The following ASXL3 variants were observed in gnomAD, a reference collection of about 807,000 sequenced individuals.
The protein encoded by ASXL3 is putative Polycomb group protein ASXL3.
ASXL3 carries 34 observed loss-of-function variants against 170.6 expected under a neutral mutation model. That is an observed-to-expected ratio of 0.20 (90% CI 0.15 to 0.27). The LOEUF (loss-of-function observed/expected upper bound fraction) is 0.27, where lower values mean the gene tolerates loss of function less well. Ranked by LOEUF, ASXL3 falls within the 10% of genes least tolerant of loss-of-function variation. The probability of loss-of-function intolerance (pLI) is 1.00; values close to 1 mark genes in which losing one functional copy is unlikely to be tolerated. For missense variants in ASXL3, 2,592 were observed against 2,695.3 expected (o/e 0.96, Z 0.85); for synonymous variants, 1,002 against 989.1 (o/e 1.01, Z -0.24).
In ASXL3 at chr18:33,621,872, T is replaced by G. The variant is rs148812128; in HGVS notation, c.137+14196T>G. Among the ~76,000 whole-genome samples the G allele has an allele frequency of 3.5e-4, 53 of 152,320 alleles. 1 individual carries two copies. In the East Asian group the frequency reaches 9.1e-3, roughly 26 times the overall value. On this transcript the variant is annotated intron_variant, in intron 2 of 11. Coordinates refer to ENST00000269197, the MANE Select transcript of ASXL3 (RefSeq NM_030632.3). ...CTATTCTCTTTTCAGATTTTCCCCATGGACTTAACAACCCACTCTGTTTCT... is the reference window on the plus strand; with the variant it reads ...CTATTCTCTTTTCAGATTTTCCCCAGGGACTTAACAACCCACTCTGTTTCT...
intron 7 of ASXL3, among the ~76,000 whole-genome samples, chr18:33,677,370 G>A (rs2155880): frequency 6.6e-6 from 1 of 151,958 alleles, no homozygotes; most frequent in Non-Finnish European, 1.5e-5. Context: ...AGAGATATTA[G>A]AAAACCTGTA....
chr18:33,722,048 C>T (rs2067271031), intron 8 of ASXL3, among the ~76,000 whole-genome samples: 1 of 151,664 alleles, frequency 6.6e-6, no homozygotes, highest in Non-Finnish European at 1.5e-5. Context: ...CAAACCATGC[C>T]CTCATAAGAC....
chr18:33,602,556 A>G (rs1230427441), intron 1 of ASXL3, among the ~76,000 whole-genome samples: 1 of 152,146 alleles, frequency 6.6e-6, no homozygotes, highest in East Asian at 1.9e-4. Context: ...AGAAATAGGG[A>G]ATGTTAAACA....
intron 8 of ASXL3, among the ~76,000 whole-genome samples, chr18:33,699,993 A>G (rs1282141554): frequency 1.3e-5 from 2 of 152,076 alleles, no homozygotes; most frequent in African/African-American, 4.8e-5. Context: ...TTATTTGTTC[A>G]GGAGAAATCC....
rs2067859264 is a variant in ASXL3, at chr18:33,750,001, C to G, written c.*3406C>G. ...GGAAGTTACCGTGGCCTCTGGTTTC[C>G]CAGTTCCTCCGTGGTGTAATGAAGT... On this transcript the variant is annotated 3_prime_UTR_variant, in exon 12 of 12. Coordinates refer to ENST00000269197, the MANE Select transcript of ASXL3 (RefSeq NM_030632.3). The G allele has an allele frequency of 6.6e-6, 1 of 152,338 alleles. No individual in the cohort carries two copies. The highest frequency in any genetic ancestry group is 1.5e-5 in the Non-Finnish European group (1 of 68,152). 9.4% of individuals were successfully genotyped at this position (152,338 alleles called of 1,614,324 possible). A position where few individuals can be genotyped will look rare whatever the true frequency, so the allele number is the denominator to read the frequency against.
intron 2 of ASXL3, among the ~76,000 whole-genome samples, chr18:33,644,553 T>C (rs1263360439): frequency 1.3e-5 from 2 of 151,474 alleles, no homozygotes; most frequent in East Asian, 1.9e-4. Flanking sequence ...TTCATGGTGT[T>C]ATTTGTAAAA....
At chr18:33,718,861 T>C (rs2067211225) in intron 8 of ASXL3, among the ~76,000 whole-genome samples, 1 of 152,000 alleles carries the variant, frequency 6.6e-6, no homozygotes, top group Admixed American at 6.6e-5. Flanking sequence ...CCATAATCAA[T>C]GAAAGAGAAT....
In ASXL3 at chr18:33,578,458, CCCGCCG is replaced by C. The variant is rs552419485; in HGVS notation, c.-138_-133del. On this transcript the variant is annotated 5_prime_UTR_variant, in exon 1 of 12. Transcript: ENST00000269197. ...CCACCCCCTCGCTCCATCCCTCCCA[CCCGCCG>C]CCGCCGCCGCCGCCGCCGCCGCCGC... is the stretch of plus-strand genomic sequence containing the variant. 1,866 of 92,748 alleles carry C rather than the reference CCCGCCG, an allele frequency of 0.02. 17 individuals are homozygous for C. The highest frequency in any genetic ancestry group is 0.047 in the Middle Eastern group (9 of 190). 5.7% of individuals were successfully genotyped at this position (92,748 alleles called of 1,614,324 possible). A position where few individuals can be genotyped will look rare whatever the true frequency, so the allele number is the denominator to read the frequency against.
At chr18:33,585,781 A>G (rs938802683) in intron 1 of ASXL3, among the ~76,000 whole-genome samples, 2 of 152,236 alleles carry the variant, frequency 1.3e-5, no homozygotes, top group African/African-American at 4.8e-5. Flanking sequence ...ATTTAGACTC[A>G]GTGGACAGGC....
intron 8 of ASXL3, among the ~76,000 whole-genome samples, chr18:33,716,256 C>T (rs574607076): frequency 6.6e-6 from 1 of 152,246 alleles, no homozygotes; most frequent in South Asian, 2.1e-4. Context: ...AAAGCAGACC[C>T]GTGGAACATA....
Position 33,749,065 on chromosome 18 carries a change from T to C in ASXL3, c.*2470T>C, listed in dbSNP as rs1243094934. 7.2e-6 allele frequency: 1 copy of C among 139,858 alleles called. No individual in the cohort carries two copies. Among genetic ancestry groups the C allele is most frequent in the Non-Finnish European group, 1.5e-5 (1 of 66,674 alleles). The allele number at this position is 139,858 out of a possible 1,614,324, so 8.7% of individuals were successfully genotyped here. A position where few individuals can be genotyped will look rare whatever the true frequency, so the allele number is the denominator to read the frequency against. On this transcript the variant is annotated 3_prime_UTR_variant, in exon 12 of 12. Transcript: ENST00000269197. ...ATCATCCAGGTCCGATTAGCATAAT[T>C]TTTCTGCGCCCTTTTTTTTTTTTTT...
At chr18:33,593,258 C>CTTTTTTT (rs34699815) in intron 1 of ASXL3, among the ~76,000 whole-genome samples, 10 of 87,920 alleles carry the variant, frequency 1.1e-4, no homozygotes, top group Non-Finnish European at 1.6e-4. Context: ...CTATGCCCAC[C>CTTTTTTT]TTTTTTTTTT....
At chr18:33,678,792 C>T (rs561158398) in intron 7 of ASXL3, among the ~76,000 whole-genome samples, 2 of 152,192 alleles carry the variant, frequency 1.3e-5, no homozygotes, top group Admixed American at 1.3e-4. Flanking sequence ...GTTCTTAAGC[C>T]AATTAAGAGT....
chr18:33,747,841 T>A lies in ASXL3; in HGVS notation c.*1246T>A, dbSNP rs2067821058. On this transcript the variant is annotated 3_prime_UTR_variant, in exon 12 of 12. Transcript: ENST00000269197. ...GGAACTGCTTTTGAAAAAGGGATAC[T>A]GCATCTTAACAGTTATCTTCAGTGT... 6.6e-6 allele frequency: 1 copy of A among 152,264 alleles called. No individual in the cohort carries two copies. The allele number at this position is 152,264 out of a possible 1,614,324, so 9.4% of individuals were successfully genotyped here. A position where few individuals can be genotyped will look rare whatever the true frequency, so the allele number is the denominator to read the frequency against.
chr18:33,724,860 G>T (rs1336707831), intron 8 of ASXL3, among the ~76,000 whole-genome samples: 1 of 152,050 alleles, frequency 6.6e-6, no homozygotes, highest in Non-Finnish European at 1.5e-5. Flanking sequence ...TTGCAAAATT[G>T]TCTTTGGCAT....
chr18:33,743,955 T>G lies in ASXL3; in HGVS notation c.4107T>G (p.Phe1369Leu). The G allele has an allele frequency of 6.2e-7, 1 of 1,614,048 alleles. No homozygotes were observed. The highest frequency in any genetic ancestry group is 8.5e-7 in the Non-Finnish European group (1 of 1,179,910). Residue 1369 changes from phenylalanine to leucine, a missense_variant, in exon 12 of 12, where the codon TTT (phenylalanine) becomes TTG (leucine). Transcript: ENST00000269197. ...CCCCAATGGGAATTAACAACAGATT[T>G]CCTTCTGAGAAGATAGCCATACCTG... ...LIPPMGINNR[F>L]PSEKIAIPGS... is the part of the protein sequence containing the mutation.
At chr18:33,731,449 A>G (rs1264063053) in intron 8 of ASXL3, among the ~76,000 whole-genome samples, 1 of 152,118 alleles carries the variant, frequency 6.6e-6, no homozygotes. Context: ...CGTTGACAGT[A>G]TACCTTATGC....
At chr18:33,628,148 G>C (rs920716438) in intron 2 of ASXL3, among the ~76,000 whole-genome samples, 6 of 152,046 alleles carry the variant, frequency 3.9e-5, no homozygotes, top group African/African-American at 1.4e-4. Flanking sequence ...ATTGAGAAGT[G>C]GGTGCTGTTT....
In ASXL3 at chr18:33,617,720, A is replaced by G. The variant is rs941904336; in HGVS notation, c.137+10044A>G. Among the ~76,000 whole-genome samples, 3 of 152,166 alleles carry G rather than the reference A, an allele frequency of 2.0e-5. No homozygotes were observed. In the East Asian group the frequency reaches 5.8e-4, roughly 29 times the overall value. ...ATTCTTCCAAATAATTGAGCAAAAA[A>G]AGGTAATTTCAGTGATTTCAGCTTT... is the stretch of plus-strand genomic sequence containing the variant. On this transcript the variant is annotated intron_variant, in intron 2 of 11. Coordinates refer to ENST00000269197, the MANE Select transcript of ASXL3 (RefSeq NM_030632.3).
Sources: allele counts gnomAD v4.1 joint callset (sites outside exome capture counted in the v4.1 genomes callset), GRCh38; gene constraint gnomAD v4.1.1; transcripts MANE v1.5; gene names NCBI Gene and HGNC (gene_info 2026-07-23, HGNC 2026-07-21).